The following ADARB1 variants were observed in gnomAD, a reference collection of about 807,000 sequenced individuals.
The protein encoded by ADARB1 is adenosine deaminase RNA specific B1, also known as double-stranded RNA-specific editase 1.
ADARB1 carries 10 observed loss-of-function variants against 52.4 expected under a neutral mutation model. That is an observed-to-expected ratio of 0.19 (90% CI 0.12 to 0.32). ADARB1 has a LOEUF of 0.32. Among genes scored for constraint, ADARB1 ranks in the 10% least tolerant of loss-of-function variants. The probability of loss-of-function intolerance (pLI) is 1.00; values close to 1 mark genes in which losing one functional copy is unlikely to be tolerated. For synonymous variants in ADARB1, 349 were observed against 371.1 expected, an observed-to-expected ratio of 0.94 and a Z score of 0.68; for missense variants, 643 against 922.3, an observed-to-expected ratio of 0.70 and a Z score of 3.92.
rs1162739467 is a variant in ADARB1, at chr21:45,116,357, T to C, written c.-219-12045T>C. 2.0e-5 allele frequency among the ~76,000 whole-genome samples: 3 copies of C among 152,266 alleles called. No homozygotes were observed. The East Asian group carries it at 5.8e-4, about 29-fold the overall frequency. On this transcript the variant is annotated intron_variant, in intron 1 of 10. Transcript: ENST00000348831. ...CTAAGTCTTTGGAGAAAACTCTACA[T>C]TGCCAAGCTTCTTCTGAAAGATTTA...
chr21:45,224,306 C>T lies in ADARB1; in HGVS notation c.*2109C>T. 3.0e-6 allele frequency: 3 copies of T among 985,530 alleles called. No homozygotes were observed. Among genetic ancestry groups the T allele is most frequent in the Non-Finnish European group, 3.6e-6 (3 of 830,016 alleles). The allele number at this position is 985,530 out of a possible 1,614,324, so 61.0% of individuals were successfully genotyped here. On this transcript the variant is annotated 3_prime_UTR_variant, in exon 11 of 11. Coordinates refer to ENST00000348831, the MANE Select transcript of ADARB1 (RefSeq NM_001112.4). The stretch of plus-strand genomic sequence containing the variant: ...GTAATAGCTAAAGTCAGCATGATTG[C>T]TCCCTGTACCACCCCAAATAAGTGA...
intron 8 of ADARB1, among the ~76,000 whole-genome samples, chr21:45,195,071 A>C (rs781241474): frequency 2.0e-5 from 3 of 152,210 alleles, no homozygotes; most frequent in Non-Finnish European, 2.9e-5. Flanking sequence ...ACCAGTATTC[A>C]GTGTTGTCAG....
intron 2 of ADARB1, among the ~76,000 whole-genome samples, chr21:45,151,280 T>TA (rs2090271905): frequency 6.6e-6 from 1 of 152,232 alleles, no homozygotes; most frequent in African/African-American, 2.4e-5. Flanking sequence ...TCACTATGCT[T>TA]ACGCAGAGTG....
At position 45,222,437 on chromosome 21, in the gene ADARB1, C is replaced by T; in HGVS notation, c.*240C>T. On this transcript the variant is annotated 3_prime_UTR_variant, in exon 11 of 11. Transcript: ENST00000348831. The stretch of plus-strand genomic sequence containing the variant: ...ATCGCCGCCTGGCATCTCTCTGCCG[C>T]AGCATTTCCCCTTCTGAACCGTCCA... 1.6e-6 allele frequency: 2 copies of T among 1,284,930 alleles called. No individual in the cohort carries two copies. The highest frequency in any genetic ancestry group is 2.9e-5 in the South Asian group (1 of 35,080). The allele number at this position is 1,284,930 out of a possible 1,614,324, so 79.6% of individuals were successfully genotyped here.
intron 1 of ADARB1, among the ~76,000 whole-genome samples, chr21:45,085,773 C>T (rs1203734589): frequency 6.6e-6 from 1 of 152,140 alleles, no homozygotes; most frequent in Non-Finnish European, 1.5e-5. Context: ...TTAATTTTAT[C>T]CCTCTAATGA....
At chr21:45,144,135 TAAGTA>T (rs994181976) in intron 2 of ADARB1, among the ~76,000 whole-genome samples, 22 of 152,354 alleles carry the variant, frequency 1.4e-4, no homozygotes, top group African/African-American at 5.3e-4. Flanking sequence ...AATATTACGT[TAAGTA>T]ATGTTACAAT....
chr21:45,081,159 C>T (rs1159229877), intron 1 of ADARB1, among the ~76,000 whole-genome samples: 2 of 152,142 alleles, frequency 1.3e-5, no homozygotes, highest in Admixed American at 6.5e-5. Flanking sequence ...TCTCTCAGGG[C>T]AGGCTTTCCT....
chr21:45,143,890 TC>T, intron 2 of ADARB1, among the ~76,000 whole-genome samples: 1 of 152,206 alleles, frequency 6.6e-6, no homozygotes. Context: ...GCCACTGTTG[TC>T]CCCTGACACT....
Position 45,225,562 on chromosome 21 carries a change from G to C in ADARB1, c.*3365G>C. 3 of 1,339,114 alleles carry C rather than the reference G, an allele frequency of 2.2e-6. No homozygotes were observed. The Admixed American group carries it at 8.5e-5, about 38-fold the overall frequency. The allele number at this position is 1,339,114 out of a possible 1,614,324, so 83.0% of individuals were successfully genotyped here. A position where few individuals can be genotyped will look rare whatever the true frequency, so the allele number is the denominator to read the frequency against. ...TCTCACACAGGTACACTGAGGAGGG[G>C]ACGGCTCCGTCTTCACATTGTGCAC... On this transcript the variant is annotated 3_prime_UTR_variant, in exon 11 of 11. Coordinates refer to ENST00000348831, the MANE Select transcript of ADARB1 (RefSeq NM_001112.4).
Position 45,221,951 on chromosome 21 carries a change from C to T in ADARB1, c.1927-67C>T. On this transcript the variant is annotated intron_variant, in intron 10 of 10. Coordinates refer to ENST00000348831, the MANE Select transcript of ADARB1 (RefSeq NM_001112.4). This position sits in a 1 kb window ranked among gnomAD's most constrained non-coding sequence, Gnocchi z 4.9. Reference sequence around the variant, plus strand: ...AGTTCTGAAGGCCATGTTTTGGTATCTTATTAGGTGTTGTTTTCATCTGTT... The same window carrying T: ...AGTTCTGAAGGCCATGTTTTGGTATTTTATTAGGTGTTGTTTTCATCTGTT... 1 of 1,533,608 alleles carries T rather than the reference C, an allele frequency of 6.5e-7. No homozygotes were observed. The highest frequency in any genetic ancestry group is 8.9e-7 in the Non-Finnish European group (1 of 1,118,862).
chr21:45,204,841 A>G lies in ADARB1; in HGVS notation c.1747+105A>G, dbSNP rs1601959277. 1 of 1,244,874 alleles carries G rather than the reference A, an allele frequency of 8.0e-7. No individual in the cohort carries two copies. The highest frequency in any genetic ancestry group is 1.1e-6 in the Non-Finnish European group (1 of 906,018). 77.1% of individuals were successfully genotyped at this position (1,244,874 alleles called of 1,614,324 possible). A position where few individuals can be genotyped will look rare whatever the true frequency, so the allele number is the denominator to read the frequency against. ...CACCTGAGCTGCTCTGTGGCTATCA[A>G]AAGAACATCAGAGTCCTTCTAAAGA... On this transcript the variant is annotated intron_variant, in intron 9 of 10. Transcript: ENST00000348831. The surrounding 1 kb of genome is among the most constrained non-coding windows in gnomAD (Gnocchi z 4.4).
intron 5 of ADARB1, chr21:45,181,475 C>T (rs2091930476): frequency 6.6e-6 from 1 of 152,248 alleles, no homozygotes; most frequent in Admixed American, 6.5e-5. Flanking sequence ...TTACATTAAT[C>T]AAAGGTGAAC....
At chr21:45,171,886 C>T (rs1392073300) in intron 3 of ADARB1, 8 of 560,240 alleles carry the variant, frequency 1.4e-5, no homozygotes, top group South Asian at 8.8e-5. Context: ...TTTCCTTCCT[C>T]GTTATCGTCG....
At chr21:45,215,223 T>A (rs990277756) in intron 9 of ADARB1, among the ~76,000 whole-genome samples, 10 of 152,066 alleles carry the variant, frequency 6.6e-5, no homozygotes, top group Non-Finnish European at 1.2e-4. Context: ...CATTTTTAAA[T>A]TTTTTATAGA....
At chr21:45,116,787 C>T (rs1189097820) in intron 1 of ADARB1, 1 of 152,194 alleles carries the variant, frequency 6.6e-6, no homozygotes, top group Non-Finnish European at 1.5e-5. Context: ...GTAACTGCCC[C>T]CATGATACAA....
At chr21:45,191,623 T>A (rs2092283696) in intron 8 of ADARB1, among the ~76,000 whole-genome samples, 1 of 152,042 alleles carries the variant, frequency 6.6e-6, no homozygotes, top group Non-Finnish European at 1.5e-5. Flanking sequence ...TAGTCACTCA[T>A]TGTTTTAACA....
intron 1 of ADARB1, among the ~76,000 whole-genome samples, chr21:45,111,594 G>A (rs1244241077): frequency 6.6e-6 from 1 of 152,180 alleles, no homozygotes; most frequent in Non-Finnish European, 1.5e-5. Flanking sequence ...TGCCCTTAAA[G>A]TCCTATGCTT....
chr21:45,115,170 A>G (rs914691991), intron 1 of ADARB1, among the ~76,000 whole-genome samples: 3 of 152,216 alleles, frequency 2.0e-5, no homozygotes, highest in Non-Finnish European at 4.4e-5. Context: ...TACCCCAGAA[A>G]TGCAGAAATA....
intron 1 of ADARB1, among the ~76,000 whole-genome samples, chr21:45,110,160 G>C (rs1226214135): frequency 6.6e-6 from 1 of 152,162 alleles, no homozygotes. Flanking sequence ...ATTTTGAGAA[G>C]AAAATGTGAG....
Sources: allele counts gnomAD v4.1 joint callset (sites outside exome capture counted in the v4.1 genomes callset), GRCh38; gene constraint gnomAD v4.1.1; non-coding constraint Gnocchi (gnomAD v3.1); transcripts MANE v1.5; gene names NCBI Gene and HGNC (gene_info 2026-07-23, HGNC 2026-07-21).